Variants in HNF4A observed in about 807,000 individuals in gnomAD.
HNF4A encodes the protein hepatocyte nuclear factor 4 alpha.
Under a neutral mutation model 52.4 loss-of-function variants are expected in HNF4A, and 15 were observed. The ratio of observed to expected loss-of-function variants is 0.29; its 90% confidence interval spans 0.19 to 0.44. The LOEUF (loss-of-function observed/expected upper bound fraction) is 0.44, where lower values mean the gene tolerates loss of function less well. Ranked by LOEUF, HNF4A falls within the 20% of genes least tolerant of loss-of-function variation. The pLI is 1.00. For missense variants in HNF4A, 479 were observed against 647.2 expected, an observed-to-expected ratio of 0.74 and a Z score of 2.82; for synonymous variants, 280 against 264.4, an observed-to-expected ratio of 1.06 and a Z score of -0.57.
Position 44,419,633 on chromosome 20 carries a change from G to A in HNF4A, c.737-88G>A, listed in dbSNP as rs141620976. ...GCAGGTCCTCCTCCCACAGGCACCA[G>A]CTATCTTGCCAACTTAAAAGCCAAA... On this transcript the variant is annotated intron_variant, in intron 6 of 9. Transcript: ENST00000316099. 666 of 1,253,368 alleles carry A rather than the reference G, an allele frequency of 5.3e-4. No homozygotes were observed. The African/African-American group carries it at 8.6e-3, about 16-fold the overall frequency. 77.6% of individuals were successfully genotyped at this position (1,253,368 alleles called of 1,614,324 possible).
chr20:44,406,438 G>A (rs2063501990), intron 2 of HNF4A, among the ~76,000 whole-genome samples: 4 of 152,224 alleles, frequency 2.6e-5, no homozygotes, highest in South Asian at 2.1e-4. Flanking sequence ...GCTACTGGCT[G>A]CCGTTTATTG....
chr20:44,381,652 C>T (rs2063155587), intron 1 of HNF4A, among the ~76,000 whole-genome samples: 1 of 152,074 alleles, frequency 6.6e-6, no homozygotes, highest in South Asian at 2.1e-4. Flanking sequence ...AATCTATCAC[C>T]CAGGATGGCG....
At chr20:44,402,559 G>C (rs758079111) in intron 1 of HNF4A, 36 of 1,365,066 alleles carry the variant, frequency 2.6e-5, no homozygotes, top group Non-Finnish European at 3.2e-5. Context: ...AGCAGATTTT[G>C]TTGCCGCTGC....
chr20:44,410,132 C>T (rs1313835634), intron 3 of HNF4A, among the ~76,000 whole-genome samples: 5 of 152,234 alleles, frequency 3.3e-5, no homozygotes, highest in Non-Finnish European at 7.3e-5. Flanking sequence ...TGCGCCCGGC[C>T]CCTGGCCCTT....
At chr20:44,388,134 G>C (rs1006775795) in intron 1 of HNF4A, among the ~76,000 whole-genome samples, 3 of 151,430 alleles carry the variant, frequency 2.0e-5, no homozygotes, top group Non-Finnish European at 2.9e-5. Flanking sequence ...TATCACCCAG[G>C]CTGGAGTGCA....
intron 1 of HNF4A, among the ~76,000 whole-genome samples, chr20:44,376,112 G>T (rs1055331073): frequency 6.6e-6 from 1 of 151,674 alleles, no homozygotes; most frequent in Non-Finnish European, 1.5e-5. Context: ...GCCGGGCATG[G>T]TAATTAGCCG....
intron 1 of HNF4A, among the ~76,000 whole-genome samples, chr20:44,358,334 G>C (rs1020101331): frequency 1.3e-5 from 2 of 152,102 alleles, no homozygotes; most frequent in Non-Finnish European, 2.9e-5. Flanking sequence ...CCCAGGCTGG[G>C]TGCAGTGGCT....
chr20:44,424,478 A>G (rs907518214), intron 8 of HNF4A: 11 of 984,580 alleles, frequency 1.1e-5, no homozygotes, highest in Middle Eastern at 6.0e-4. Context: ...TCACTGTTCT[A>G]AGTGCTGGCA....
chr20:44,387,082 C>G (rs530573960), intron 1 of HNF4A, among the ~76,000 whole-genome samples: 1 of 151,972 alleles, frequency 6.6e-6, no homozygotes, highest in East Asian at 1.9e-4. Flanking sequence ...GTGGGTGGAT[C>G]ACCTGAGGTC....
At chr20:44,373,438 C>A (rs1314829334) in intron 1 of HNF4A, among the ~76,000 whole-genome samples, 1 of 151,978 alleles carries the variant, frequency 6.6e-6, no homozygotes, top group Admixed American at 6.5e-5. Context: ...CCTCCCAAAG[C>A]ACTGGGATTA....
chr20:44,429,270 A>G (rs1395819058), intron 9 of HNF4A, among the ~76,000 whole-genome samples: 1 of 152,204 alleles, frequency 6.6e-6, no homozygotes, highest in Non-Finnish European at 1.5e-5. Context: ...TATCAAATAA[A>G]TGATGGAGGA....
intron 1 of HNF4A, among the ~76,000 whole-genome samples, chr20:44,378,779 C>T (rs1043064421): frequency 6.6e-6 from 1 of 151,416 alleles, no homozygotes; most frequent in Admixed American, 6.6e-5. Context: ...ATTAGCCGGG[C>T]GTGGTGGTGC....
intron 1 of HNF4A, among the ~76,000 whole-genome samples, chr20:44,379,122 G>A (rs761275322): frequency 1.5e-4 from 23 of 152,080 alleles, no homozygotes; most frequent in Non-Finnish European, 2.2e-4. Flanking sequence ...GCATGTGTCA[G>A]AATTTCCATC....
intron 1 of HNF4A, among the ~76,000 whole-genome samples, chr20:44,382,631 T>C (rs2063170132): frequency 6.6e-6 from 1 of 152,204 alleles, no homozygotes; most frequent in African/African-American, 2.4e-5. Context: ...TGTCCATATA[T>C]GCTCCTTAGG....
At chr20:44,373,121 A>C (rs1044403741) in intron 1 of HNF4A, 4 of 152,202 alleles carry the variant, frequency 2.6e-5, no homozygotes, top group African/African-American at 9.7e-5. Flanking sequence ...AGCTGTCATC[A>C]TAAAGAGCCA....
chr20:44,413,786 G>T lies in HNF4A; in HGVS notation c.478G>T (p.Val160Phe), dbSNP rs1240895253. 6.2e-7 allele frequency: 1 copy of T among 1,612,312 alleles called. No individual in the cohort carries two copies. The highest frequency in any genetic ancestry group is 2.2e-5 in the East Asian group (1 of 44,872). Residue 160 changes from valine to phenylalanine, a missense_variant, in exon 4 of 10, where the codon GTC (valine) becomes TTC (phenylalanine). By Grantham distance (50) the Val-to-Phe change is conservative. This residue lies in a region of HNF4A where 389 missense variants were observed against 525.1 expected (regional missense o/e 0.74). Transcript: ENST00000316099. ...CATCAATGCGCTCCTGCAGGCGGAG[G>T]TCCTGTCCCGACAGGTACCGGGGTG...
At chr20:44,378,055 T>G (rs1260616369) in intron 1 of HNF4A, among the ~76,000 whole-genome samples, 1 of 152,224 alleles carries the variant, frequency 6.6e-6, no homozygotes, top group African/African-American at 2.4e-5. Flanking sequence ...CATCAGCACT[T>G]GATTTTGTAA....
At chr20:44,382,560 C>T (rs567188483) in intron 1 of HNF4A, among the ~76,000 whole-genome samples, 1 of 152,292 alleles carries the variant, frequency 6.6e-6, no homozygotes, top group African/African-American at 2.4e-5. Context: ...ATAGCTTTCT[C>T]ATCCTCTGCC....
intron 1 of HNF4A, among the ~76,000 whole-genome samples, chr20:44,374,566 C>T (rs570676030): frequency 6.6e-6 from 1 of 152,250 alleles, no homozygotes; most frequent in Admixed American, 6.5e-5. Context: ...CAGGTTCAAG[C>T]CATTCTCCTG....
Sources: allele counts gnomAD v4.1 joint callset (sites outside exome capture counted in the v4.1 genomes callset), GRCh38; gene constraint gnomAD v4.1.1; regional missense constraint gnomAD v4.1.1; transcripts MANE v1.5; gene names NCBI Gene and HGNC (gene_info 2026-07-23, HGNC 2026-07-21).